CUX2: variants seen among roughly 807,000 people sequenced by gnomAD.
CUX2 encodes cut like homeobox 2.
A neutral mutation model predicts 144.8 loss-of-function variants in CUX2; 40 were observed. The ratio of observed to expected loss-of-function variants is 0.28; its 90% CI spans 0.21 to 0.36. The LOEUF (loss-of-function observed/expected upper bound fraction) is 0.36, where lower values mean the gene tolerates loss of function less well. Among genes scored for constraint, CUX2 ranks in the 10% least tolerant of loss-of-function variants. The probability of loss-of-function intolerance (pLI) is 1.00; values close to 1 mark genes in which losing one functional copy is unlikely to be tolerated. For synonymous variants in CUX2, 827 were observed against 875.6 expected (o/e 0.94, Z 0.98); for missense variants, 1,615 against 1,994.0 (o/e 0.81, Z 3.62).
At chr12:111,089,139 G>C (rs970398101) in intron 1 of CUX2, among the ~76,000 whole-genome samples, 1 of 152,216 alleles carries the variant, frequency 6.6e-6, no homozygotes, top group Non-Finnish European at 1.5e-5. Flanking sequence ...GCATCCTGTG[G>C]TAATGATCAC....
intron 1 of CUX2, among the ~76,000 whole-genome samples, chr12:111,107,060 AGT>A (rs1232125197): frequency 6.6e-6 from 1 of 152,242 alleles, no homozygotes; most frequent in African/African-American, 2.4e-5. Flanking sequence ...TTGGCTGGAC[AGT>A]GTGTGCCAGG....
At chr12:111,269,957 A>G (rs1467367729) in intron 4 of CUX2, among the ~76,000 whole-genome samples, 1 of 152,210 alleles carries the variant, frequency 6.6e-6, no homozygotes. Context: ...GAGACGTACC[A>G]TACGAACAGC....
At chr12:111,062,805 G>A (rs1014862686) in intron 1 of CUX2, among the ~76,000 whole-genome samples, 8 of 152,234 alleles carry the variant, frequency 5.3e-5, no homozygotes, top group African/African-American at 1.7e-4. Flanking sequence ...GTGAGGAGGC[G>A]CATGGTAGTC....
At chr12:111,309,482 C>T (rs1308853051) in intron 14 of CUX2, among the ~76,000 whole-genome samples, 1 of 152,064 alleles carries the variant, frequency 6.6e-6, no homozygotes, top group Non-Finnish European at 1.5e-5. Flanking sequence ...TTGGATGGGG[C>T]CTGGAAGAGT....
rs140183870 is a variant in CUX2, at chr12:111,116,781, G to GA, written c.63+82549dup. On this transcript the variant is annotated intron_variant, in intron 1 of 21. Coordinates refer to ENST00000261726, the MANE Select transcript of CUX2 (RefSeq NM_015267.4). The stretch of plus-strand genomic sequence containing the variant: ...TCAGGGCTTTCCTGAAGAGCAATGG[G>GA]AAAAAAAATCTAACTTTATCACAAC... Among the ~76,000 whole-genome samples the GA allele has an allele frequency of 8.7e-3, 1,325 of 151,972 alleles. 9 individuals carry two copies. Among genetic ancestry groups the GA allele is most frequent in the Non-Finnish European group, 0.015 (1,015 of 67,944 alleles).
At chr12:111,156,985 C>CAAAA (rs1200398908) in intron 1 of CUX2, among the ~76,000 whole-genome samples, 360 of 18,930 alleles carry the variant, frequency 0.019, 40 homozygotes, top group African/African-American at 0.056. Flanking sequence ...AAACTTCTCT[C>CAAAA]AAAAAAAAAA....
intron 1 of CUX2, among the ~76,000 whole-genome samples, chr12:111,209,707 G>T (rs1007188017): frequency 3.9e-5 from 6 of 152,170 alleles, no homozygotes; most frequent in African/African-American, 9.6e-5. Flanking sequence ...TAGGCAGTGG[G>T]CACTTCCAGG....
At chr12:111,203,093 G>C (rs896841203) in intron 1 of CUX2, among the ~76,000 whole-genome samples, 23 of 152,040 alleles carry the variant, frequency 1.5e-4, no homozygotes, top group African/African-American at 5.3e-4. Flanking sequence ...TTCGCTGGGC[G>C]TGGTGGCACA....
chr12:111,147,705 G>T (rs974337424), intron 1 of CUX2, among the ~76,000 whole-genome samples: 1 of 152,198 alleles, frequency 6.6e-6, no homozygotes, highest in South Asian at 2.1e-4. Context: ...CTGCAAGGCT[G>T]TCACAAGGTC....
chr12:111,294,379 A>G (rs942595145), intron 6 of CUX2, among the ~76,000 whole-genome samples: 4 of 152,044 alleles, frequency 2.6e-5, no homozygotes, highest in African/African-American at 4.8e-5. Flanking sequence ...AAGTGCTGGG[A>G]TTACAGGTGT....
chr12:111,040,633 G>A (rs772356805), intron 1 of CUX2, among the ~76,000 whole-genome samples: 1 of 152,144 alleles, frequency 6.6e-6, no homozygotes, highest in Non-Finnish European at 1.5e-5. Flanking sequence ...ATATGCAGAT[G>A]TGCTCCCATA....
chr12:111,063,265 G>T (rs1870863972), intron 1 of CUX2, among the ~76,000 whole-genome samples: 1 of 152,146 alleles, frequency 6.6e-6, no homozygotes, highest in Non-Finnish European at 1.5e-5. Context: ...CTTCTTTTCT[G>T]CCATGTATTA....
Position 111,348,143 on chromosome 12 carries a change from G to GC in CUX2, c.4286dup (p.Ala1430CysfsTer11), listed in dbSNP as rs750550645. ...TCCCATCTCCCCATCCCCACCTGGC[G>GC]CCCCCCCTGCCAAAGTGCCGAGTGC... On this transcript the variant is annotated frameshift_variant, in exon 22 of 22. Transcript: ENST00000261726. LOFTEE classifies it high-confidence loss of function. 4.3e-6 allele frequency: 7 copies of GC among 1,613,524 alleles called. No homozygotes were observed. The highest frequency in any genetic ancestry group is 1.3e-5 in the African/African-American group (1 of 74,766).
chr12:111,333,417 C>A lies in CUX2; in HGVS notation c.2927-1024C>A, dbSNP rs528504370. On this transcript the variant is annotated intron_variant, in intron 18 of 21. Transcript: ENST00000261726. Reference sequence around the variant, plus strand: ...TTAATTAAATAAAATATGTAAATTTCTTTTCCCTGTGCAGGATGAGATTCA... The same window carrying A: ...TTAATTAAATAAAATATGTAAATTTATTTTCCCTGTGCAGGATGAGATTCA... Among the ~76,000 whole-genome samples the A allele has an allele frequency of 7.9e-5, 12 of 152,224 alleles. 2 individuals carry two copies. In the South Asian group the frequency reaches 1.9e-3, roughly 24 times the overall value.
chr12:111,182,110 C>A (rs1294709182), intron 1 of CUX2, among the ~76,000 whole-genome samples: 1 of 152,034 alleles, frequency 6.6e-6, no homozygotes, highest in East Asian at 1.9e-4. Context: ...AGGGCAGGGT[C>A]GGGGGATAAA....
In CUX2 at chr12:111,186,479, C is replaced by T. The variant is rs953406370; in HGVS notation, c.64-27721C>T. Among the ~76,000 whole-genome samples the T allele has an allele frequency of 3.9e-5, 6 of 152,312 alleles. No individual in the cohort carries two copies. The highest frequency in any genetic ancestry group is 3.4e-3 in the Middle Eastern group (1 of 294). The stretch of plus-strand genomic sequence containing the variant: ...GGAACAGGGGAGCGGGAAGGGCACA[C>T]GCGCAGGTCCTGAGGTCGGGTGGGG... On this transcript the variant is annotated intron_variant, in intron 1 of 21. Coordinates refer to ENST00000261726, the MANE Select transcript of CUX2 (RefSeq NM_015267.4). This position sits in a 1 kb window ranked among gnomAD's most constrained non-coding sequence, Gnocchi z 4.4.
chr12:111,286,939 T>C (rs1024123702), intron 4 of CUX2, among the ~76,000 whole-genome samples: 2 of 152,154 alleles, frequency 1.3e-5, no homozygotes, highest in Non-Finnish European at 1.5e-5. Flanking sequence ...AAACTGAGGC[T>C]CCAGGCCCCA....
intron 1 of CUX2, among the ~76,000 whole-genome samples, chr12:111,168,594 G>A (rs1035460341): frequency 2.6e-5 from 4 of 152,220 alleles, no homozygotes; most frequent in African/African-American, 9.7e-5. Context: ...TGACAACAGA[G>A]CGACATTCCT....
In CUX2 at chr12:111,291,549, A is replaced by G; in HGVS notation, c.433A>G (p.Lys145Glu). 1 of 1,606,596 alleles carries G rather than the reference A, an allele frequency of 6.2e-7. No homozygotes were observed. Among genetic ancestry groups the G allele is most frequent in the Non-Finnish European group, 8.5e-7 (1 of 1,176,568 alleles). Residue 145 changes from lysine (K) to glutamate (E), a missense_variant, in exon 5 of 22, where the codon AAA becomes GAA. Around this residue, in one of 12 missense-constraint regions of CUX2, gnomAD observed 295 missense variants for 400.2 expected, o/e 0.74. Transcript: ENST00000261726. ...WKRNPELLSP[K>E]EQREGTSPAG... ...GAGGAACCCCGAGCTCCTCAGCCCCAAAGGTACTGATAAGGCCTTCTCGGA... is the reference window on the plus strand; with the variant it reads ...GAGGAACCCCGAGCTCCTCAGCCCCGAAGGTACTGATAAGGCCTTCTCGGA...
Sources: gnomAD v4.1 joint callset for allele counts (sites outside exome capture counted in the v4.1 genomes callset) on GRCh38, gnomAD v4.1.1 for gene constraint, gnomAD v4.1.1 regional missense constraint, Gnocchi (gnomAD v3.1) non-coding constraint, MANE v1.5 for transcripts, NCBI Gene and HGNC (gene_info 2026-07-23, HGNC 2026-07-21) for gene names.